LRCH2: variants seen among roughly 807,000 people sequenced by gnomAD.
LRCH2 encodes leucine-rich repeat and calponin homology domain-containing protein 2.
Under a neutral mutation model 68.9 loss-of-function variants are expected in LRCH2, and 38 were observed. The observed-to-expected ratio is 0.55, with a 90% CI of 0.43 to 0.72. The LOEUF is 0.72. LRCH2 is among the 30% of genes least tolerant of loss of function. The pLI is 0.00. For synonymous variants in LRCH2, 191 were observed against 208.1 expected (o/e 0.92, Z 0.71); for missense variants, 528 against 572.9 (o/e 0.92, Z 0.80).
At chrX:115,160,411 T>C (rs1350340632) in intron 11 of LRCH2, among the ~76,000 whole-genome samples, 2 of 112,101 alleles carry the variant, frequency 1.8e-5, no homozygotes, top group African/African-American at 6.5e-5. Context: ...CTGAACTCAA[T>C]GTAAGCTGTT....
rs1184202645 is a variant in LRCH2 at position 115,191,621 on chromosome X, C to A, written c.350-3251G>T. ...AACAGCGGAGGCCGCTCGCCTGACA[C>A]CTACAGCCGGGGCCACGACAGTTCC... On this transcript the variant is annotated intron_variant, in intron 1 of 20. Coordinates refer to ENST00000317135, the MANE Select transcript of LRCH2 (RefSeq NM_020871.4). The A allele has an allele frequency of 8.3e-6, 9 of 1,086,432 alleles. No homozygotes were observed. Among genetic ancestry groups the A allele is most frequent in the African/African-American group, 1.9e-5 (1 of 52,823 alleles). 89.5% of individuals were successfully genotyped at this position (1,086,432 alleles called of 1,213,427 possible).
chrX:115,160,041 G>A (rs960980086), intron 11 of LRCH2, among the ~76,000 whole-genome samples: 5 of 111,551 alleles, frequency 4.5e-5, no homozygotes, highest in Non-Finnish European at 9.4e-5. Context: ...TGAACTGCCA[G>A]GCGTGGTGGC....
intron 5 of LRCH2, among the ~76,000 whole-genome samples, chrX:115,177,814 C>T (rs1004485831): frequency 2.8e-5 from 3 of 107,147 alleles, no homozygotes; most frequent in African/African-American, 1.0e-4. Context: ...CCCCCACAGG[C>T]CCCAGTTTGT....
intron 1 of LRCH2, among the ~76,000 whole-genome samples, chrX:115,217,235 T>A (rs927949949): frequency 8.9e-6 from 1 of 111,747 alleles, no homozygotes; most frequent in Admixed American, 9.5e-5. Context: ...CTCATAACAA[T>A]TTTTTTATTA....
At chrX:115,118,824 T>A (rs2072108294) in intron 20 of LRCH2, among the ~76,000 whole-genome samples, 1 of 110,143 alleles carries the variant, frequency 9.1e-6, no homozygotes, top group African/African-American at 3.3e-5. Context: ...TCCACCATGA[T>A]CAAGTGGGCT....
At chrX:115,120,300 C>T (rs1556525439) in intron 20 of LRCH2, among the ~76,000 whole-genome samples, 2 of 80,867 alleles carry the variant, frequency 2.5e-5, no homozygotes, top group Non-Finnish European at 4.7e-5. Flanking sequence ...CCAGAATCTA[C>T]AATGAACTCA....
At chrX:115,218,121 A>G (rs2073053886) in intron 1 of LRCH2, among the ~76,000 whole-genome samples, 1 of 111,448 alleles carries the variant, frequency 9.0e-6, no homozygotes, top group African/African-American at 3.3e-5. Flanking sequence ...TGGGCAACAG[A>G]GGGAGCCCCC....
At chrX:115,179,363 G>T in intron 5 of LRCH2, 64 bp downstream of exon 5, 1 of 927,647 alleles carries the variant, frequency 1.1e-6, no homozygotes, top group Non-Finnish European at 1.4e-6. Flanking sequence ...TGATTTACCA[G>T]TCATAAACAG....
intron 5 of LRCH2, among the ~76,000 whole-genome samples, chrX:115,177,294 G>A: frequency 9.1e-6 from 1 of 110,101 alleles, no homozygotes; most frequent in African/African-American, 3.3e-5. Flanking sequence ...GTGTGCATGG[G>A]GAAGTTTCCT....
chrX:115,196,506 C>T (rs1306505715), intron 1 of LRCH2, among the ~76,000 whole-genome samples: 1 of 111,418 alleles, frequency 9.0e-6, no homozygotes, highest in Non-Finnish European at 1.9e-5. Context: ...AACCCTATGC[C>T]AACATGAACT....
chrX:115,149,406 A>G (rs2072414402), intron 14 of LRCH2, among the ~76,000 whole-genome samples: 1 of 111,720 alleles, frequency 9.0e-6, no homozygotes, highest in Admixed American at 9.5e-5. Flanking sequence ...AAAAAATGGA[A>G]AAATCTGCCC....
intron 14 of LRCH2, among the ~76,000 whole-genome samples, chrX:115,133,479 T>A (rs1556530961): frequency 8.9e-6 from 1 of 112,243 alleles, no homozygotes; most frequent in African/African-American, 3.2e-5. Flanking sequence ...TTTTTAAATG[T>A]GCAAATACAA....
intron 10 of LRCH2, among the ~76,000 whole-genome samples, chrX:115,164,071 A>G (rs1412024393): frequency 8.9e-6 from 1 of 111,789 alleles, no homozygotes; most frequent in Non-Finnish European, 1.9e-5. Flanking sequence ...ATAGTAATCT[A>G]AAAATGTATA....
intron 1 of LRCH2, among the ~76,000 whole-genome samples, chrX:115,230,971 T>C (rs2147373391): frequency 9.0e-6 from 1 of 110,508 alleles, no homozygotes; most frequent in African/African-American, 3.3e-5. Context: ...AAACAAAAAA[T>C]CTCCCTTGCA....
At chrX:115,194,971 G>A (rs2072876464) in intron 1 of LRCH2, among the ~76,000 whole-genome samples, 1 of 111,294 alleles carries the variant, frequency 9.0e-6, no homozygotes, top group Admixed American at 9.6e-5. Flanking sequence ...CCTAAGTGAA[G>A]TCTGGGATGG....
At chrX:115,126,723 G>T (rs2072203001) in intron 16 of LRCH2, 120 bp downstream of exon 16, 2 of 493,052 alleles carry the variant, frequency 4.1e-6, no homozygotes, top group Admixed American at 1.1e-4. Flanking sequence ...TAAAATATGA[G>T]TGAATAAATT....
intron 1 of LRCH2, among the ~76,000 whole-genome samples, chrX:115,223,455 A>T (rs1334295556): frequency 2.4e-4 from 3 of 12,557 alleles, no homozygotes; most frequent in African/African-American, 5.2e-4. Context: ...TTTTTTTTTT[A>T]AAAAAACCTC....
chrX:115,161,171 G>C (rs2072516245), intron 11 of LRCH2, among the ~76,000 whole-genome samples: 3 of 111,353 alleles, frequency 2.7e-5, no homozygotes, highest in Admixed American at 9.5e-5. Context: ...TAGCCAACAT[G>C]GCGAAACCCC....
At chrX:115,182,524 T>C (rs1002173659) in intron 3 of LRCH2, among the ~76,000 whole-genome samples, 7 of 111,750 alleles carry the variant, frequency 6.3e-5, no homozygotes, top group Non-Finnish European at 1.3e-4. Flanking sequence ...GTTTAAGCTA[T>C]AGAAAAACAC....
Sources: allele counts gnomAD v4.1 joint callset (sites outside exome capture counted in the v4.1 genomes callset), GRCh38; gene constraint gnomAD v4.1.1; transcripts MANE v1.5; gene names NCBI Gene and HGNC (gene_info 2026-07-23, HGNC 2026-07-21).